The following SGCG variants were observed in gnomAD, a reference collection of about 807,000 sequenced individuals.
SGCG encodes the protein gamma-sarcoglycan.
Under a neutral mutation model 29.3 loss-of-function variants are expected in SGCG, and 26 were observed. That is an observed-to-expected ratio of 0.89 (90% CI 0.65 to 1.23). The LOEUF is 1.23. Ranked by LOEUF, SGCG falls within the 50% of genes most tolerant of loss-of-function variation. The pLI is 0.00. For synonymous variants in SGCG, 145 were observed against 129.7 expected (o/e 1.12, Z -0.80); for missense variants, 353 against 356.0 (o/e 0.99, Z 0.07).
At chr13:23,322,576 A>G (rs1883074243) in intron 7 of SGCG, among the ~76,000 whole-genome samples, 1 of 152,166 alleles carries the variant, frequency 6.6e-6, no homozygotes, top group Admixed American at 6.5e-5. Flanking sequence ...TTCTTGGATC[A>G]TAGAGTCATT....
At chr13:23,218,030 T>C (rs879643812) in intron 2 of SGCG, among the ~76,000 whole-genome samples, 1 of 152,120 alleles carries the variant, frequency 6.6e-6, no homozygotes, top group Non-Finnish European at 1.5e-5. Flanking sequence ...CTACTGTAAT[T>C]TGGCATTTTT....
chr13:23,212,118 A>G (rs1398013979), intron 2 of SGCG, among the ~76,000 whole-genome samples: 2 of 152,116 alleles, frequency 1.3e-5, no homozygotes, highest in Non-Finnish European at 2.9e-5. Context: ...CACCATGATT[A>G]TAAGTTTCTT....
At chr13:23,269,886 T>TTG (rs1880801942) in intron 4 of SGCG, among the ~76,000 whole-genome samples, 1 of 149,512 alleles carries the variant, frequency 6.7e-6, no homozygotes, top group African/African-American at 2.5e-5. Flanking sequence ...TTTTTTTGTT[T>TTG]TTTTTTGAGG....
rs1883005053 is a variant in SGCG, at chr13:23,320,704, G to A, written c.646G>A (p.Gly216Arg). The change falls in exon 7 of 8, where the codon GGG (glycine) becomes AGG (arginine). Residue 216 changes from glycine to arginine, a missense_variant. Transcript: ENST00000218867. ...PRGVHIQAHAGKIEALSQMDI... is the reference protein window; with the variant it reads ...PRGVHIQAHARKIEALSQMDI... ...GGGTGTGCATATTCAAGCTCACGCT[G>A]GGAAAATTGAGGCGCTTTCTCAAAT... 1 of 1,612,596 alleles carries A rather than the reference G, an allele frequency of 6.2e-7. No homozygotes were observed. Among genetic ancestry groups the A allele is most frequent in the African/African-American group, 1.3e-5 (1 of 74,592 alleles).
At chr13:23,320,037 GT>G (rs1472435322) in intron 6 of SGCG, among the ~76,000 whole-genome samples, 1 of 152,252 alleles carries the variant, frequency 6.6e-6, no homozygotes. Flanking sequence ...GCCCTGTAAT[GT>G]TTTTAAATAA....
rs181345970 is a variant in SGCG at position 23,191,754 on chromosome 13, G to T, written c.-1+10679G>T. Among the ~76,000 whole-genome samples, 10 of 152,244 alleles carry T rather than the reference G, an allele frequency of 6.6e-5. No homozygotes were observed. The East Asian group carries it at 9.6e-4, about 15-fold the overall frequency. ...TTTTCAGATACTAATCTTCCTTCCC[G>T]ATCCAACACATTCATCATATGAAGG... On this transcript the variant is annotated intron_variant, in intron 1 of 7. Coordinates refer to ENST00000218867, the MANE Select transcript of SGCG (RefSeq NM_000231.3).
At chr13:23,292,119 C>CTTTTTTTTTTTTTTTT (rs71100167) in intron 5 of SGCG, among the ~76,000 whole-genome samples, 7,831 of 145,776 alleles carry the variant, frequency 0.054, 302 homozygotes, top group African/African-American at 0.091. Flanking sequence ...ACATTTCTTT[C>CTTTTTTTTTTTTTTTT]TTTTTTTTGA....
At chr13:23,215,750 G>T (rs1165435991) in intron 2 of SGCG, among the ~76,000 whole-genome samples, 1 of 151,810 alleles carries the variant, frequency 6.6e-6, no homozygotes, top group Non-Finnish European at 1.5e-5. Context: ...ATGGAAATAG[G>T]GATCCCAGCA....
chr13:23,256,870 T>G (rs559603267), intron 4 of SGCG, among the ~76,000 whole-genome samples: 1 of 152,330 alleles, frequency 6.6e-6, no homozygotes, highest in East Asian at 1.9e-4. Context: ...GTAGCATGAC[T>G]TACAATCTTT....
intron 4 of SGCG, among the ~76,000 whole-genome samples, chr13:23,277,296 C>T (rs1031184050): frequency 2.0e-5 from 3 of 151,866 alleles, no homozygotes; most frequent in Non-Finnish European, 4.4e-5. Flanking sequence ...AAATGCAAAT[C>T]AGTGTTTATA....
At chr13:23,261,040 C>CT (rs1158908591) in intron 4 of SGCG, among the ~76,000 whole-genome samples, 1 of 152,034 alleles carries the variant, frequency 6.6e-6, no homozygotes, top group African/African-American at 2.4e-5. Flanking sequence ...CAAGGAGTAT[C>CT]TTTGTGGTGT....
chr13:23,206,529 A>G (rs1877987044), intron 2 of SGCG, among the ~76,000 whole-genome samples: 1 of 152,198 alleles, frequency 6.6e-6, no homozygotes, highest in Non-Finnish European at 1.5e-5. Flanking sequence ...TACGGTATTG[A>G]TATACATTTT....
At chr13:23,290,499 T>C (rs945081518) in intron 5 of SGCG, among the ~76,000 whole-genome samples, 2 of 152,204 alleles carry the variant, frequency 1.3e-5, no homozygotes, top group African/African-American at 2.4e-5. Context: ...ACAGAAATTG[T>C]CATTGGATTT....
In SGCG at chr13:23,188,729, C is replaced by G. The variant is rs546809969; in HGVS notation, c.-1+7654C>G. Among the ~76,000 whole-genome samples, 36 of 152,170 alleles carry G rather than the reference C, an allele frequency of 2.4e-4. No individual in the cohort carries two copies. The South Asian group carries it at 7.3e-3, about 31-fold the overall frequency. ...TGAGAATGTCCAAAATGGCCTAGAT[C>G]CCTTCTGAGGATAGGAATGTGGCAA... is the stretch of plus-strand genomic sequence containing the variant. On this transcript the variant is annotated intron_variant, in intron 1 of 7. Transcript: ENST00000218867.
chr13:23,286,258 T>A (rs1418785000), intron 5 of SGCG, among the ~76,000 whole-genome samples: 1 of 152,148 alleles, frequency 6.6e-6, no homozygotes, highest in Non-Finnish European at 1.5e-5. Flanking sequence ...AGATGCAAAT[T>A]GATCGTGAAA....
At chr13:23,315,851 CA>C (rs1033447778) in intron 6 of SGCG, among the ~76,000 whole-genome samples, 1 of 151,948 alleles carries the variant, frequency 6.6e-6, no homozygotes, top group Non-Finnish European at 1.5e-5. Flanking sequence ...TCTGAGTGGT[CA>C]AAAAATGTGA....
intron 3 of SGCG, among the ~76,000 whole-genome samples, chr13:23,236,001 A>G (rs1186710697): frequency 6.6e-6 from 1 of 152,198 alleles, no homozygotes; most frequent in Admixed American, 6.5e-5. Context: ...GTAAGTGAAA[A>G]GTACATAAGT....
chr13:23,176,281 T>C (rs370670726), upstream of SGCG, among the ~76,000 whole-genome samples: 1 of 152,136 alleles, frequency 6.6e-6, no homozygotes, highest in Admixed American at 6.6e-5. Flanking sequence ...GCTCACTACA[T>C]GTAGACATTG....
At chr13:23,258,496 G>A (rs1200937136) in intron 4 of SGCG, among the ~76,000 whole-genome samples, 1 of 152,138 alleles carries the variant, frequency 6.6e-6, no homozygotes, top group Non-Finnish European at 1.5e-5. Context: ...TCTGCAAATA[G>A]GGACAATTTG....
Sources: allele counts gnomAD v4.1 joint callset (sites outside exome capture counted in the v4.1 genomes callset), GRCh38; gene constraint gnomAD v4.1.1; transcripts MANE v1.5; gene names NCBI Gene and HGNC (gene_info 2026-07-23, HGNC 2026-07-21).